Variants in IGF2BP3 observed in about 807,000 individuals in gnomAD.
The protein encoded by IGF2BP3 is insulin-like growth factor 2 mRNA-binding protein 3.
IGF2BP3 carries 9 observed loss-of-function variants against 73.8 expected under a neutral mutation model. The observed-to-expected ratio is 0.12, with a 90% CI of 0.07 to 0.21. The LOEUF is 0.21. IGF2BP3 is among the 10% of genes least tolerant of loss of function. IGF2BP3 has a pLI of 1.00. For missense variants in IGF2BP3, 542 were observed against 714.0 expected (o/e 0.76, Z 2.75); for synonymous variants, 258 against 256.7 (o/e 1.01, Z -0.05).
intron 3 of IGF2BP3, among the ~76,000 whole-genome samples, chr7:23,395,913 G>C (rs141790244): frequency 1.3e-5 from 2 of 151,808 alleles, no homozygotes; most frequent in Non-Finnish European, 2.9e-5. Flanking sequence ...GCAACAGAGC[G>C]AGACTCCATC....
chr7:23,440,354 T>C (rs895823424), intron 2 of IGF2BP3, among the ~76,000 whole-genome samples: 1 of 145,444 alleles, frequency 6.9e-6, no homozygotes, highest in Non-Finnish European at 1.5e-5. Flanking sequence ...GAGAATCACT[T>C]CAACCCAGGA....
Position 23,334,094 on chromosome 7 carries a change from G to A in IGF2BP3, c.1203+7970C>T, listed in dbSNP as rs1784512624. 3.9e-5 allele frequency among the ~76,000 whole-genome samples: 6 copies of A among 152,130 alleles called. No homozygotes were observed. The South Asian group carries it at 1.2e-3, about 32-fold the overall frequency. On this transcript the variant is annotated intron_variant, in intron 10 of 14. Coordinates refer to ENST00000258729, the MANE Select transcript of IGF2BP3 (RefSeq NM_006547.3). Reference sequence around the variant, plus strand: ...TTCACGCCTGTACTCCCAGCACTTTGGAAGGCTGAGGCGGGCGGATCCCTT... The same window carrying A: ...TTCACGCCTGTACTCCCAGCACTTTAGAAGGCTGAGGCGGGCGGATCCCTT...
chr7:23,394,200 C>T (rs1342287026), intron 3 of IGF2BP3, among the ~76,000 whole-genome samples: 1 of 152,140 alleles, frequency 6.6e-6, no homozygotes, highest in East Asian at 1.9e-4. Flanking sequence ...TTATAATCAG[C>T]AAGACTTTTT....
In IGF2BP3 at chr7:23,312,136, TTTG is replaced by T; in HGVS notation, c.*223_*225del. ...CCCTCCCTCCCCCACCCTTTTTTTG[TTTG>T]TTTGTTTGTTTGTTTTAAAGCTGGG... On this transcript the variant is annotated 3_prime_UTR_variant, in exon 15 of 15. Transcript: ENST00000258729. The T allele has an allele frequency of 3.0e-6, 1 of 332,874 alleles. No individual in the cohort carries two copies. Among genetic ancestry groups the T allele is most frequent in the Non-Finnish European group, 5.6e-6 (1 of 179,308 alleles). 20.6% of individuals were successfully genotyped at this position (332,874 alleles called of 1,614,324 possible).
intron 3 of IGF2BP3, among the ~76,000 whole-genome samples, chr7:23,363,147 T>G (rs1251884765): frequency 6.6e-6 from 1 of 152,258 alleles, no homozygotes; most frequent in Non-Finnish European, 1.5e-5. Context: ...CTACTAAACT[T>G]AAGCAATTTC....
chr7:23,392,451 T>TACAC (rs1554327192), intron 3 of IGF2BP3, among the ~76,000 whole-genome samples: 1 of 144,224 alleles, frequency 6.9e-6, no homozygotes, highest in African/African-American at 2.6e-5. Flanking sequence ...TATATATATA[T>TACAC]ACACACACAC....
chr7:23,404,751 G>A (rs1224977003), intron 3 of IGF2BP3, among the ~76,000 whole-genome samples: 5 of 151,206 alleles, frequency 3.3e-5, no homozygotes, highest in East Asian at 1.9e-4. Flanking sequence ...ATCAAAATAC[G>A]GCAAGTGGGG....
At chr7:23,391,922 T>G (rs1786289399) in intron 3 of IGF2BP3, among the ~76,000 whole-genome samples, 2 of 152,164 alleles carry the variant, frequency 1.3e-5, no homozygotes, top group Non-Finnish European at 2.9e-5. Flanking sequence ...TGTATTTAGT[T>G]CAAGAAACAA....
intron 2 of IGF2BP3, among the ~76,000 whole-genome samples, chr7:23,422,474 G>A (rs1032851813): frequency 1.1e-4 from 17 of 152,130 alleles, no homozygotes; most frequent in Non-Finnish European, 2.2e-4. Flanking sequence ...AGAATCACAT[G>A]AGCCCAGGAG....
At chr7:23,399,268 T>C (rs1414461013) in intron 3 of IGF2BP3, among the ~76,000 whole-genome samples, 10 of 152,166 alleles carry the variant, frequency 6.6e-5, no homozygotes, top group Non-Finnish European at 1.3e-4. Flanking sequence ...CATTGATCTA[T>C]ACCTCTGTTT....
chr7:23,333,699 C>A (rs1784497037), intron 10 of IGF2BP3, among the ~76,000 whole-genome samples: 1 of 152,140 alleles, frequency 6.6e-6, no homozygotes, highest in African/African-American at 2.4e-5. Flanking sequence ...ACAGAAGCAA[C>A]AGAACTTGTC....
At chr7:23,465,613 C>G (rs1788549918) in intron 2 of IGF2BP3, among the ~76,000 whole-genome samples, 1 of 152,204 alleles carries the variant, frequency 6.6e-6, no homozygotes, top group Admixed American at 6.5e-5. Flanking sequence ...TTAGTCAGTG[C>G]AAGCCCATTC....
At chr7:23,347,397 C>T (rs1021521538) in intron 7 of IGF2BP3, among the ~76,000 whole-genome samples, 3 of 152,118 alleles carry the variant, frequency 2.0e-5, no homozygotes, top group South Asian at 2.1e-4. Flanking sequence ...TATCACCACT[C>T]GCCTATGTTC....
intron 5 of IGF2BP3, among the ~76,000 whole-genome samples, chr7:23,354,538 T>C (rs1785044468): frequency 6.6e-6 from 1 of 152,188 alleles, no homozygotes; most frequent in Non-Finnish European, 1.5e-5. Context: ...CATACAGATA[T>C]CATTCTCCCT....
At position 23,401,543 on chromosome 7, in the gene IGF2BP3, T is replaced by C. The variant is rs1786664306; in HGVS notation, c.285+17233A>G. ...ACTTCAGGAGGCCAAGGCAGGTGGATCACCTGAGGTCAGGAGTTCGAGACC... is the reference window on the plus strand; with the variant it reads ...ACTTCAGGAGGCCAAGGCAGGTGGACCACCTGAGGTCAGGAGTTCGAGACC... On this transcript the variant is annotated intron_variant, in intron 3 of 14. Coordinates refer to ENST00000258729, the MANE Select transcript of IGF2BP3 (RefSeq NM_006547.3). 2.6e-5 allele frequency among the ~76,000 whole-genome samples: 4 copies of C among 151,280 alleles called. No individual in the cohort carries two copies. The South Asian group carries it at 8.4e-4, about 32-fold the overall frequency.
intron 3 of IGF2BP3, among the ~76,000 whole-genome samples, chr7:23,416,585 T>C (rs1026450814): frequency 6.6e-6 from 1 of 152,238 alleles, no homozygotes; most frequent in Non-Finnish European, 1.5e-5. Flanking sequence ...TATATTCTAC[T>C]GCATTAAAGT....
chr7:23,431,834 C>T (rs1034286745), intron 2 of IGF2BP3, among the ~76,000 whole-genome samples: 1 of 152,070 alleles, frequency 6.6e-6, no homozygotes, highest in African/African-American at 2.4e-5. Context: ...CCAACCCACA[C>T]ACACACATTC....
intron 2 of IGF2BP3, among the ~76,000 whole-genome samples, chr7:23,441,825 T>G (rs1347665225): frequency 1.3e-5 from 2 of 152,144 alleles, no homozygotes; most frequent in African/African-American, 4.8e-5. Flanking sequence ...AAGATTACTA[T>G]AAAATGTTAA....
intron 5 of IGF2BP3, among the ~76,000 whole-genome samples, chr7:23,360,421 A>T (rs1347289212): frequency 2.0e-5 from 3 of 152,224 alleles, no homozygotes. Flanking sequence ...GTGTAAAAGG[A>T]GGAATACATA....
Sources: allele counts gnomAD v4.1 joint callset (sites outside exome capture counted in the v4.1 genomes callset), GRCh38; gene constraint gnomAD v4.1.1; transcripts MANE v1.5; gene names NCBI Gene and HGNC (gene_info 2026-07-23, HGNC 2026-07-21).